Variants in TMEM182 observed in about 807,000 individuals in gnomAD.
TMEM182 encodes transmembrane protein 182.
A neutral mutation model predicts 26.8 loss-of-function variants in TMEM182; 20 were observed. That is an observed-to-expected ratio of 0.75 (90% CI 0.53 to 1.09). TMEM182 has a LOEUF of 1.09. TMEM182 is among the 50% of genes least tolerant of loss of function. The probability of loss-of-function intolerance (pLI) is 0.00; values close to 1 mark genes in which losing one functional copy is unlikely to be tolerated. For synonymous variants in TMEM182, 109 were observed against 102.2 expected, an observed-to-expected ratio of 1.07 and a Z score of -0.40; for missense variants, 277 against 275.5, an observed-to-expected ratio of 1.01 and a Z score of -0.04.
At chr2:102,801,460 T>C (rs1423914765) in intron 4 of TMEM182, among the ~76,000 whole-genome samples, 2 of 152,164 alleles carry the variant, frequency 1.3e-5, no homozygotes, top group African/African-American at 4.8e-5. Context: ...GTTAATCAAA[T>C]TGTGGTAGGT....
chr2:102,779,503 G>T, intron 3 of TMEM182, among the ~76,000 whole-genome samples: 1 of 152,036 alleles, frequency 6.6e-6, no homozygotes. Context: ...GTCAGTTTTT[G>T]TTCATTTTTT....
chr2:102,786,832 T>C (rs1216540768), intron 3 of TMEM182, among the ~76,000 whole-genome samples: 1 of 152,162 alleles, frequency 6.6e-6, no homozygotes, highest in Non-Finnish European at 1.5e-5. Flanking sequence ...TTTAGAGAGA[T>C]GAGCAAGACT....
At chr2:102,838,145 G>T (rs1014139763) in intron 3 of TMEM182, among the ~76,000 whole-genome samples, 1 of 152,146 alleles carries the variant, frequency 6.6e-6, no homozygotes, top group Non-Finnish European at 1.5e-5. Flanking sequence ...CTCTAATGCT[G>T]CACGGAAGTA....
chr2:102,832,074 A>G (rs548101923), intron 3 of TMEM182, among the ~76,000 whole-genome samples: 4 of 152,328 alleles, frequency 2.6e-5, no homozygotes, highest in Admixed American at 1.3e-4. Context: ...CTGGCATGAC[A>G]GAGTGAGAGA....
At chr2:102,769,042 G>A (rs189591923) in intron 3 of TMEM182, among the ~76,000 whole-genome samples, 2 of 152,086 alleles carry the variant, frequency 1.3e-5, no homozygotes, top group South Asian at 4.2e-4. Flanking sequence ...ACCATCCTTG[G>A]GGGTGGACAG....
chr2:102,738,464 G>A (rs1410451970), intron 1 of TMEM182, among the ~76,000 whole-genome samples: 5 of 152,052 alleles, frequency 3.3e-5, no homozygotes, highest in Non-Finnish European at 7.4e-5. Flanking sequence ...GCGTGGTGGT[G>A]CGCGCCTGTA....
intron 3 of TMEM182, among the ~76,000 whole-genome samples, chr2:102,782,392 T>C (rs1056879084): frequency 1.3e-5 from 2 of 152,116 alleles, no homozygotes; most frequent in Non-Finnish European, 2.9e-5. Flanking sequence ...AGAAAAATAA[T>C]TTTTATTTGC....
chr2:102,783,564 G>A (rs778242027), intron 3 of TMEM182, among the ~76,000 whole-genome samples: 2 of 152,152 alleles, frequency 1.3e-5, no homozygotes, highest in Non-Finnish European at 2.9e-5. Flanking sequence ...ATCCCTAGAA[G>A]AGCCAAGTCT....
At chr2:102,755,506 G>A (rs913796944) in intron 1 of TMEM182, among the ~76,000 whole-genome samples, 3 of 152,164 alleles carry the variant, frequency 2.0e-5, no homozygotes, top group African/African-American at 7.2e-5. Flanking sequence ...CCTCACTGAG[G>A]CCAGAGAGCA....
At chr2:102,837,014 C>T (rs975046593) in intron 3 of TMEM182, among the ~76,000 whole-genome samples, 6 of 152,152 alleles carry the variant, frequency 3.9e-5, no homozygotes, top group African/African-American at 1.4e-4. Flanking sequence ...AATATGTTGC[C>T]TGCCCTGTGC....
chr2:102,780,442 A>G (rs930421277), intron 3 of TMEM182, among the ~76,000 whole-genome samples: 1 of 151,960 alleles, frequency 6.6e-6, no homozygotes, highest in Non-Finnish European at 1.5e-5. Flanking sequence ...GCTGGGCAAG[A>G]CCTCATTACA....
chr2:102,790,557 A>G (rs1427432730), intron 3 of TMEM182, among the ~76,000 whole-genome samples: 1 of 152,234 alleles, frequency 6.6e-6, no homozygotes, highest in Admixed American at 6.5e-5. Context: ...GATATGCAGA[A>G]GCACACTCAT....
chr2:102,818,538 G>A (rs1188680541), downstream of TMEM182, among the ~76,000 whole-genome samples: 1 of 152,162 alleles, frequency 6.6e-6, no homozygotes, highest in African/African-American at 2.4e-5. Flanking sequence ...TAGCCTGTGA[G>A]AGTGGGATGT....
At chr2:102,796,537 G>T (rs76660771) in intron 3 of TMEM182, among the ~76,000 whole-genome samples, 1 of 152,170 alleles carries the variant, frequency 6.6e-6, no homozygotes, top group Non-Finnish European at 1.5e-5. Flanking sequence ...GACAAGGACA[G>T]CAAATATTTG....
intron 3 of TMEM182, among the ~76,000 whole-genome samples, chr2:102,835,546 C>T (rs113182760): frequency 9.9e-5 from 15 of 152,192 alleles, no homozygotes; most frequent in African/African-American, 3.6e-4. Flanking sequence ...CAAATGTATC[C>T]ACCATTATAG....
intron 2 of TMEM182, among the ~76,000 whole-genome samples, chr2:102,762,987 T>G (rs1044487517): frequency 6.6e-6 from 1 of 152,228 alleles, no homozygotes; most frequent in Non-Finnish European, 1.5e-5. Context: ...AGGTATTGTC[T>G]ATAGCATTTT....
chr2:102,773,782 C>G (rs909349368), intron 3 of TMEM182, among the ~76,000 whole-genome samples: 2 of 152,032 alleles, frequency 1.3e-5, no homozygotes, highest in Admixed American at 1.3e-4. Flanking sequence ...TTGATGTATT[C>G]CAGATGACTA....
chr2:102,774,250 C>CTTTTT (rs774047240), intron 3 of TMEM182, among the ~76,000 whole-genome samples: 293 of 96,054 alleles, frequency 3.1e-3, no homozygotes, highest in African/African-American at 7.4e-3. Flanking sequence ...TTCTTTCTTT[C>CTTTTT]TTTTTTTTTT....
chr2:102,841,007 G>C (rs1683338676), intron 3 of TMEM182, among the ~76,000 whole-genome samples: 1 of 152,106 alleles, frequency 6.6e-6, no homozygotes, highest in Non-Finnish European at 1.5e-5. Flanking sequence ...TGATGCCAGG[G>C]GACTTTTTTT....
Sources: gnomAD v4.1 joint callset for allele counts (sites outside exome capture counted in the v4.1 genomes callset) on GRCh38, gnomAD v4.1.1 for gene constraint, MANE v1.5 for transcripts, NCBI Gene and HGNC (gene_info 2026-07-23, HGNC 2026-07-21) for gene names.